Variants in ZHX2 observed in about 807,000 individuals in gnomAD.
ZHX2 encodes zinc fingers and homeoboxes 2.
A neutral mutation model predicts 21.9 loss-of-function variants in ZHX2; 6 were observed. That is an observed-to-expected ratio of 0.27 (90% CI 0.15 to 0.54). The LOEUF is 0.54. Ranked by LOEUF, ZHX2 falls within the 20% of genes least tolerant of loss-of-function variation. ZHX2 has a pLI of 0.95. For synonymous variants in ZHX2, 434 were observed against 437.1 expected (o/e 0.99, Z 0.09); for missense variants, 908 against 1,090.7 (o/e 0.83, Z 2.36).
chr8:122,819,107 A>G lies in ZHX2; in HGVS notation c.-283+37161A>G, dbSNP rs563129234. On this transcript the variant is annotated intron_variant, in intron 1 of 3. Coordinates refer to ENST00000314393, the MANE Select transcript of ZHX2 (RefSeq NM_014943.5). ...TGCAAGGAGCTGAAGGCCTTCTTGA[A>G]GGCCAGATGGGAGGCCAGTGCATGA... is the stretch of plus-strand genomic sequence containing the variant. Among the ~76,000 whole-genome samples, 6 of 152,340 alleles carry G rather than the reference A, an allele frequency of 3.9e-5. No homozygotes were observed. In the South Asian group the frequency reaches 1.2e-3, roughly 32 times the overall value.
chr8:122,868,818 C>A lies in ZHX2; in HGVS notation c.-220+5279C>A, dbSNP rs116099054. On this transcript the variant is annotated intron_variant, in intron 2 of 3. Transcript: ENST00000314393. ...AAGGTTGCCCTGAGCTACGATCACA[C>A]CACTGCACTTCAGCCTGGGCAACAG... Among the ~76,000 whole-genome samples the A allele has an allele frequency of 4.1e-3, 628 of 152,100 alleles. 5 individuals are homozygous for A. The highest frequency in any genetic ancestry group is 0.014 in the African/African-American group (584 of 41,480).
At position 122,956,209 on chromosome 8, in the gene ZHX2, C is replaced by T. The variant is rs149062119; in HGVS notation, c.*4+2181C>T. On this transcript the variant is annotated intron_variant, in intron 3 of 3. Transcript: ENST00000314393. ...GTGTCTACATGGTTGCTTTTTCCTC[C>T]CACCCCAGAGAGGACAATAGGGTTC... is the stretch of plus-strand genomic sequence containing the variant. 9.7e-4 allele frequency among the ~76,000 whole-genome samples: 147 copies of T among 152,206 alleles called. 1 individual carries two copies. The highest frequency in any genetic ancestry group is 1.4e-3 in the Non-Finnish European group (95 of 68,010).
chr8:122,904,847 T>C (rs1363435847), intron 2 of ZHX2, among the ~76,000 whole-genome samples: 1 of 152,218 alleles, frequency 6.6e-6, no homozygotes, highest in African/African-American at 2.4e-5. Context: ...GCTACAGAAG[T>C]TAAAATTTTA....
At chr8:122,930,059 A>T (rs1367762116) in intron 2 of ZHX2, among the ~76,000 whole-genome samples, 1 of 152,172 alleles carries the variant, frequency 6.6e-6, no homozygotes, top group African/African-American at 2.4e-5. Context: ...GGGTGTAATG[A>T]AGGCTCTGAG....
intron 2 of ZHX2, among the ~76,000 whole-genome samples, chr8:122,916,747 A>G (rs527632647): frequency 1.3e-5 from 2 of 151,762 alleles, no homozygotes; most frequent in African/African-American, 2.4e-5. Context: ...CATCCATCCT[A>G]TCGTTTAACC....
At chr8:122,906,763 A>G (rs1820358588) in intron 2 of ZHX2, among the ~76,000 whole-genome samples, 1 of 142,362 alleles carries the variant, frequency 7.0e-6, no homozygotes, top group East Asian at 2.1e-4. Context: ...TTCCTCCTCC[A>G]GGGTTTAAGT....
rs931788555 is a variant in ZHX2, at chr8:122,953,590, T to A, written c.2080T>A (p.Tyr694Asn). The change falls in exon 3 of 4, where the codon TAC (tyrosine) becomes AAC (asparagine). Residue 694 changes from tyrosine to asparagine, a missense_variant. Around this residue, in one of 4 missense-constraint regions of ZHX2, gnomAD observed 431 missense variants for 428.6 expected, o/e 1.01. Transcript: ENST00000314393. This position sits in a 1 kb window ranked among gnomAD's most constrained non-coding sequence, Gnocchi z 4.6. ...GGGAACCGTGAAGTGGATGGAGCAG[T>A]ACCAGCACCAGCCCATGGCAGATGA... ...KTGTVKWMEQ[Y>N]QHQPMADDHG... 6.2e-7 allele frequency: 1 copy of A among 1,614,090 alleles called. No individual in the cohort carries two copies. Among genetic ancestry groups the A allele is most frequent in the Non-Finnish European group, 8.5e-7 (1 of 1,180,016 alleles).
At chr8:122,904,732 A>T (rs1820307692) in intron 2 of ZHX2, among the ~76,000 whole-genome samples, 1 of 152,222 alleles carries the variant, frequency 6.6e-6, no homozygotes, top group Non-Finnish European at 1.5e-5. Flanking sequence ...TTTAGATAAG[A>T]TCCAAAATCT....
At chr8:122,872,650 G>A (rs1305880123) in intron 2 of ZHX2, among the ~76,000 whole-genome samples, 6 of 152,176 alleles carry the variant, frequency 3.9e-5, no homozygotes, top group East Asian at 3.8e-4. Context: ...CCTATAACTC[G>A]TAGATACCAA....
At chr8:122,840,707 G>A (rs1334422331) in intron 1 of ZHX2, among the ~76,000 whole-genome samples, 1 of 152,184 alleles carries the variant, frequency 6.6e-6, no homozygotes, top group African/African-American at 2.4e-5. Flanking sequence ...AAGGACCCTG[G>A]CCAGAACAGT....
intron 2 of ZHX2, among the ~76,000 whole-genome samples, chr8:122,940,495 C>T (rs1812814581): frequency 1.3e-5 from 2 of 152,138 alleles, no homozygotes; most frequent in Admixed American, 6.5e-5. Flanking sequence ...CTCAGGGCCC[C>T]GTGTCACCCA....
At chr8:122,925,456 G>A (rs375633093) in intron 2 of ZHX2, among the ~76,000 whole-genome samples, 7 of 152,266 alleles carry the variant, frequency 4.6e-5, no homozygotes, top group South Asian at 4.1e-4. Flanking sequence ...CACTAGGGGC[G>A]AGAAATACCC....
intron 2 of ZHX2, among the ~76,000 whole-genome samples, chr8:122,940,589 T>G (rs1812817282): frequency 6.6e-6 from 1 of 152,156 alleles, no homozygotes; most frequent in Non-Finnish European, 1.5e-5. Flanking sequence ...TCATGAAGCT[T>G]TTTTGGTTAG....
chr8:122,824,082 T>G (rs1363873588), intron 1 of ZHX2, among the ~76,000 whole-genome samples: 1 of 152,228 alleles, frequency 6.6e-6, no homozygotes, highest in Admixed American at 6.5e-5. Context: ...TTTTTCAGAC[T>G]TCTTTCCCCT....
intron 2 of ZHX2, among the ~76,000 whole-genome samples, chr8:122,945,352 A>G (rs187776279): frequency 1.4e-5 from 2 of 145,650 alleles, no homozygotes; most frequent in East Asian, 4.3e-4. Flanking sequence ...CGAAGGGAAG[A>G]GCCTTGCACA....
intron 2 of ZHX2, among the ~76,000 whole-genome samples, chr8:122,931,683 A>T (rs1454979230): frequency 1.3e-5 from 2 of 152,108 alleles, no homozygotes; most frequent in Non-Finnish European, 2.9e-5. Flanking sequence ...CATCAAGATC[A>T]CCTAGGGAAC....
chr8:122,954,402 G>A (rs1813240054), intron 3 of ZHX2, among the ~76,000 whole-genome samples: 1 of 152,034 alleles, frequency 6.6e-6, no homozygotes, highest in Middle Eastern at 3.2e-3. Context: ...CAAACTCCTG[G>A]GCCCAAGCGA....
intron 1 of ZHX2, among the ~76,000 whole-genome samples, chr8:122,798,111 T>G (rs1450155772): frequency 6.6e-6 from 1 of 152,208 alleles, no homozygotes; most frequent in Non-Finnish European, 1.5e-5. Context: ...GTCTAGCTGA[T>G]TCTAAACCCA....
In ZHX2 at chr8:122,953,323, G is replaced by A. The variant is rs1813187143; in HGVS notation, c.1813G>A (p.Gly605Arg). Residue 605 changes from glycine (G) to arginine (R), a missense_variant, in exon 3 of 4, where the codon GGA (glycine) becomes AGA (arginine). This residue lies in a region of ZHX2 where 431 missense variants were observed against 428.6 expected (regional missense o/e 1.01). Transcript: ENST00000314393. The surrounding 1 kb of genome is among the most constrained non-coding windows in gnomAD (Gnocchi z 4.6). ...GTCTGGCAAAAAAGGCCAAGATGTGGGAGCCCCCAATGGTGCTCTGTCTCG... is the reference window on the plus strand; with the variant it reads ...GTCTGGCAAAAAAGGCCAAGATGTGAGAGCCCCCAATGGTGCTCTGTCTCG... ...MGSGKKGQDV[G>R]APNGALSRLD... 6.2e-7 allele frequency: 1 copy of A among 1,614,012 alleles called. No homozygotes were observed. The highest frequency in any genetic ancestry group is 8.5e-7 in the Non-Finnish European group (1 of 1,180,012).
Sources: allele counts gnomAD v4.1 joint callset (sites outside exome capture counted in the v4.1 genomes callset), GRCh38; gene constraint gnomAD v4.1.1; regional missense constraint gnomAD v4.1.1; non-coding constraint Gnocchi (gnomAD v3.1); transcripts MANE v1.5; gene names NCBI Gene and HGNC (gene_info 2026-07-23, HGNC 2026-07-21).